The following CDC42SE2 variants were observed in gnomAD, a reference collection of about 807,000 sequenced individuals.
The protein encoded by CDC42SE2 is CDC42 small effector 2.
CDC42SE2 carries 3 observed loss-of-function variants against 11.5 expected under a neutral mutation model. That is an observed-to-expected ratio of 0.26 (90% CI 0.12 to 0.67). The LOEUF is 0.67. CDC42SE2 is among the 30% of genes least tolerant of loss of function. The probability of loss-of-function intolerance (pLI) is 0.80; values close to 1 mark genes in which losing one functional copy is unlikely to be tolerated. For missense variants in CDC42SE2, 82 were observed against 106.8 expected, an observed-to-expected ratio of 0.77 and a Z score of 1.02; for synonymous variants, 33 against 34.8, an observed-to-expected ratio of 0.95 and a Z score of 0.18.
Position 131,391,105 on chromosome 5 carries a change from T to C in CDC42SE2, c.*14T>C. On this transcript the variant is annotated 3_prime_UTR_variant, in exon 5 of 5. Transcript: ENST00000505065. ...AAGGCGGGATAGCCCTGGTCCTTTC[T>C]CCAGTGAGTACTCAGAGCTGGGGTC... 1 of 1,598,572 alleles carries C rather than the reference T, an allele frequency of 6.3e-7. No homozygotes were observed. Among genetic ancestry groups the C allele is most frequent in the South Asian group, 1.1e-5 (1 of 90,840 alleles).
chr5:131,392,432 A>C lies in CDC42SE2; in HGVS notation c.*1341A>C, dbSNP rs1045065205. The C allele has an allele frequency of 6.5e-6, 1 of 152,732 alleles. No individual in the cohort carries two copies. Among genetic ancestry groups the C allele is most frequent in the Admixed American group, 6.5e-5 (1 of 15,286 alleles). 9.5% of individuals were successfully genotyped at this position (152,732 alleles called of 1,614,324 possible). ...GCCATGGGCTGATGATGCTGCTATTAGATAAAGTTTAGCTGTGGCACCAAG... is the reference window on the plus strand; with the variant it reads ...GCCATGGGCTGATGATGCTGCTATTCGATAAAGTTTAGCTGTGGCACCAAG... On this transcript the variant is annotated 3_prime_UTR_variant, in exon 5 of 5. Coordinates refer to ENST00000505065, the MANE Select transcript of CDC42SE2 (RefSeq NM_001375635.1).
intron 1 of CDC42SE2, among the ~76,000 whole-genome samples, chr5:131,275,850 A>T (rs1391338641): frequency 1.3e-5 from 2 of 151,802 alleles, no homozygotes; most frequent in African/African-American, 4.8e-5. Context: ...CTGTCCTCTT[A>T]GTACTGTACT....
intron 3 of CDC42SE2, among the ~76,000 whole-genome samples, chr5:131,369,174 G>A (rs901010554): frequency 6.6e-6 from 1 of 152,090 alleles, no homozygotes; most frequent in East Asian, 1.9e-4. Flanking sequence ...ACTTTAAATG[G>A]AGTCATTACT....
At chr5:131,338,832 CAT>C (rs1391741311) in intron 2 of CDC42SE2, among the ~76,000 whole-genome samples, 1 of 152,118 alleles carries the variant, frequency 6.6e-6, no homozygotes, top group Non-Finnish European at 1.5e-5. Context: ...GCAGTATGAA[CAT>C]ATAATATCCA....
chr5:131,239,128 C>T, the CDC42SE2 span, among the ~76,000 whole-genome samples: 1 of 151,186 alleles, frequency 6.6e-6, no homozygotes, highest in Admixed American at 6.6e-5. Flanking sequence ...CCACTGCACT[C>T]CAGCCTGGGC....
chr5:131,244,511 G>C (rs1352109607), upstream of CDC42SE2, among the ~76,000 whole-genome samples: 1 of 152,198 alleles, frequency 6.6e-6, no homozygotes, highest in Non-Finnish European at 1.5e-5. Context: ...AGGAGTTCGA[G>C]ACCAGCCTAG....
At chr5:131,372,034 T>C (rs1750025856) in intron 3 of CDC42SE2, among the ~76,000 whole-genome samples, 1 of 152,240 alleles carries the variant, frequency 6.6e-6, no homozygotes, top group African/African-American at 2.4e-5. Context: ...TTTGGTTTTA[T>C]TTGTTCTTGC....
chr5:131,273,715 G>A (rs1384382800), intron 1 of CDC42SE2, among the ~76,000 whole-genome samples: 2 of 150,958 alleles, frequency 1.3e-5, no homozygotes, highest in African/African-American at 4.9e-5. Context: ...GGAGCTTGCA[G>A]TGAGCCAAGA....
chr5:131,257,077 C>T (rs1756684582), intron 2 of CDC42SE2, among the ~76,000 whole-genome samples: 2 of 152,110 alleles, frequency 1.3e-5, no homozygotes, highest in African/African-American at 2.4e-5. Context: ...TGGCAGGGAA[C>T]ATAGCATCAG....
chr5:131,280,296 A>G (rs986075351), intron 1 of CDC42SE2, among the ~76,000 whole-genome samples: 1 of 152,180 alleles, frequency 6.6e-6, no homozygotes, highest in African/African-American at 2.4e-5. Context: ...TTTTAATCCT[A>G]CCACCCTAAA....
intron 1 of CDC42SE2, among the ~76,000 whole-genome samples, chr5:131,279,889 A>G (rs1165489837): frequency 1.3e-5 from 2 of 152,180 alleles, no homozygotes; most frequent in East Asian, 1.9e-4. Context: ...CCCAGGCAAC[A>G]GGGTGAAACC....
chr5:131,297,203 G>T lies in CDC42SE2; in HGVS notation c.-454-18773G>T, dbSNP rs529720684. On this transcript the variant is annotated intron_variant, in intron 1 of 4. Coordinates refer to ENST00000505065, the MANE Select transcript of CDC42SE2 (RefSeq NM_001375635.1). ...TTTTGTTCTTTCTCGTGCAAAAATGGCTTCTTTCCAGATCACTTTGACCTG... is the reference window on the plus strand; with the variant it reads ...TTTTGTTCTTTCTCGTGCAAAAATGTCTTCTTTCCAGATCACTTTGACCTG... Among the ~76,000 whole-genome samples, 295 of 147,688 alleles carry T rather than the reference G, an allele frequency of 2.0e-3. 1 individual carries two copies. Among genetic ancestry groups the T allele is most frequent in the African/African-American group, 7.1e-3 (284 of 40,044 alleles).
At chr5:131,282,969 C>T (rs1302727232) in intron 1 of CDC42SE2, among the ~76,000 whole-genome samples, 1 of 147,520 alleles carries the variant, frequency 6.8e-6, no homozygotes, top group African/African-American at 2.5e-5. Flanking sequence ...CTCTTGTTGC[C>T]CAGGCTGGAG....
chr5:131,240,585 A>G (rs1756532749), upstream of CDC42SE2, among the ~76,000 whole-genome samples: 1 of 152,230 alleles, frequency 6.6e-6, no homozygotes, highest in South Asian at 2.1e-4. Flanking sequence ...TTGTGAGATC[A>G]TCACAGAATA....
In CDC42SE2 at chr5:131,264,108, C is replaced by T. The variant is rs1226867593; in HGVS notation, c.-513C>T. ...CTGCAGGCGTTGGGGCGGCAGGAGCCGCGGAGCCGGCGCTGAGAGGGGCTG... is the reference window on the plus strand; with the variant it reads ...CTGCAGGCGTTGGGGCGGCAGGAGCTGCGGAGCCGGCGCTGAGAGGGGCTG... On this transcript the variant is annotated 5_prime_UTR_variant, in exon 1 of 5. Transcript: ENST00000505065. 6.6e-6 allele frequency: 1 copy of T among 152,296 alleles called. No individual in the cohort carries two copies. The highest frequency in any genetic ancestry group is 6.5e-5 in the Admixed American group (1 of 15,270). 9.4% of individuals were successfully genotyped at this position (152,296 alleles called of 1,614,324 possible).
chr5:131,260,112 C>A (rs1449912069), upstream of CDC42SE2, among the ~76,000 whole-genome samples: 1 of 152,166 alleles, frequency 6.6e-6, no homozygotes, highest in African/African-American at 2.4e-5. Flanking sequence ...TACTTGAGTT[C>A]TCTTATATAT....
chr5:131,297,652 G>A lies in CDC42SE2; in HGVS notation c.-454-18324G>A, dbSNP rs189800272. Among the ~76,000 whole-genome samples, 510 of 152,032 alleles carry A rather than the reference G, an allele frequency of 3.4e-3. 6 individuals carry two copies. The highest frequency in any genetic ancestry group is 0.012 in the African/African-American group (494 of 41,494). The stretch of plus-strand genomic sequence containing the variant: ...GGAGAATGGCGTGAACCCGGGAGGC[G>A]GAGCTTGCAGTGAGTCAAGATTGTG... On this transcript the variant is annotated intron_variant, in intron 1 of 4. Transcript: ENST00000505065.
intron 1 of CDC42SE2, among the ~76,000 whole-genome samples, chr5:131,297,490 C>A (rs1034310529): frequency 6.6e-6 from 1 of 151,952 alleles, no homozygotes; most frequent in Non-Finnish European, 1.5e-5. Context: ...GAGGCCGAGG[C>A]GGGTGGATCA....
intron 2 of CDC42SE2, among the ~76,000 whole-genome samples, chr5:131,331,007 C>T (rs1357290040): frequency 6.6e-6 from 1 of 152,018 alleles, no homozygotes; most frequent in South Asian, 2.1e-4. Context: ...GCCTGGGTAA[C>T]AGAGCGAGAC....
Sources: gnomAD v4.1 joint callset for allele counts (sites outside exome capture counted in the v4.1 genomes callset) on GRCh38, gnomAD v4.1.1 for gene constraint, MANE v1.5 for transcripts, NCBI Gene and HGNC (gene_info 2026-07-23, HGNC 2026-07-21) for gene names.